Variants in ADAMTSL1 observed in about 807,000 individuals in gnomAD.
ADAMTSL1 encodes ADAMTS-like protein 1.
Under a neutral mutation model 201.8 loss-of-function variants are expected in ADAMTSL1, and 126 were observed. The observed-to-expected ratio is 0.62, with a 90% CI of 0.54 to 0.72. ADAMTSL1 has a LOEUF of 0.72. ADAMTSL1 is among the 30% of genes least tolerant of loss of function. The pLI, the probability that ADAMTSL1 is intolerant of heterozygous loss-of-function variation, is 0.00. For synonymous variants in ADAMTSL1, 1,121 were observed against 903.4 expected (o/e 1.24, Z -4.32); for missense variants, 2,679 against 2,277.8 (o/e 1.18, Z -3.59).
At chr9:18,631,695 A>G (rs1015894431) in intron 5 of ADAMTSL1, among the ~76,000 whole-genome samples, 1 of 152,200 alleles carries the variant, frequency 6.6e-6, no homozygotes, top group Non-Finnish European at 1.5e-5. Context: ...CAAGATTTTA[A>G]AATGAATATA....
At chr9:18,112,046 A>C (rs945153511) in intron 1 of ADAMTSL1, among the ~76,000 whole-genome samples, 2 of 152,144 alleles carry the variant, frequency 1.3e-5, no homozygotes, top group Non-Finnish European at 2.9e-5. Flanking sequence ...AACCTGATGC[A>C]GGTATTTATT....
intron 5 of ADAMTSL1, among the ~76,000 whole-genome samples, chr9:18,632,474 G>T (rs1175423887): frequency 6.6e-6 from 1 of 152,076 alleles, no homozygotes; most frequent in Non-Finnish European, 1.5e-5. Context: ...GAGTGAAATG[G>T]GTTTCTTTGG....
rs60278506 is a variant in ADAMTSL1, at chr9:17,940,802, AC to A, written c.87+33890del. On this transcript the variant is annotated intron_variant, in intron 1 of 29. Transcript: ENST00000680146. ...AAACTTAAAAATAAAAGTAAATAACACCCCCCCCCCAAAAAAAAGAAAGAAA... is the reference window on the plus strand; with the variant it reads ...AAACTTAAAAATAAAAGTAAATAACACCCCCCCCCAAAAAAAAGAAAGAAA... Among the ~76,000 whole-genome samples, 13 of 50,808 alleles carry A rather than the reference AC, an allele frequency of 2.6e-4. 1 individual carries two copies. Among genetic ancestry groups the A allele is most frequent in the African/African-American group, 2.8e-4 (4 of 14,196 alleles). The allele number at this position is 50,808 out of a possible 152,430, so 33.3% of individuals were successfully genotyped here.
At chr9:18,638,036 C>T (rs1175722127) in intron 6 of ADAMTSL1, among the ~76,000 whole-genome samples, 1 of 152,036 alleles carries the variant, frequency 6.6e-6, no homozygotes, top group East Asian at 1.9e-4. Flanking sequence ...TTGCTTTCCC[C>T]TGATGACAAC....
At chr9:18,602,222 G>C (rs1272395898) in intron 4 of ADAMTSL1, among the ~76,000 whole-genome samples, 2 of 152,106 alleles carry the variant, frequency 1.3e-5, no homozygotes, top group African/African-American at 4.8e-5. Context: ...TATTTGTTAG[G>C]CTGGGAGTGC....
chr9:18,864,271 T>C (rs1391570261), intron 23 of ADAMTSL1, among the ~76,000 whole-genome samples: 1 of 152,184 alleles, frequency 6.6e-6, no homozygotes, highest in Non-Finnish European at 1.5e-5. Flanking sequence ...TTCTGAGCTG[T>C]TTGGCTGGAG....
intron 23 of ADAMTSL1, among the ~76,000 whole-genome samples, chr9:18,854,937 T>A (rs1826747508): frequency 6.6e-6 from 1 of 152,186 alleles, no homozygotes; most frequent in Admixed American, 6.5e-5. Context: ...CAGATTGAAT[T>A]ACCCCTCCCC....
At chr9:18,289,574 G>C (rs1261155690) in intron 2 of ADAMTSL1, among the ~76,000 whole-genome samples, 1 of 152,222 alleles carries the variant, frequency 6.6e-6, no homozygotes, top group African/African-American at 2.4e-5. Context: ...TAACAGGGAA[G>C]ACTGCTCAGT....
chr9:18,027,489 T>A (rs1820754055), intron 1 of ADAMTSL1, among the ~76,000 whole-genome samples: 1 of 151,874 alleles, frequency 6.6e-6, no homozygotes, highest in Non-Finnish European at 1.5e-5. Flanking sequence ...TAATTCAGGA[T>A]CAAGTTGTTT....
chr9:18,727,952 C>A (rs1203805549), intron 15 of ADAMTSL1, among the ~76,000 whole-genome samples: 1 of 152,042 alleles, frequency 6.6e-6, no homozygotes, highest in Non-Finnish European at 1.5e-5. Flanking sequence ...TGGTGGCGTG[C>A]CCCTGTAACC....
chr9:18,280,616 C>T (rs990036925), intron 2 of ADAMTSL1, among the ~76,000 whole-genome samples: 7 of 152,014 alleles, frequency 4.6e-5, no homozygotes, highest in South Asian at 2.1e-4. Flanking sequence ...TTTAAGTGCT[C>T]GAGTTTTGTA....
chr9:18,062,642 C>A (rs1822510510), intron 1 of ADAMTSL1, among the ~76,000 whole-genome samples: 1 of 151,976 alleles, frequency 6.6e-6, no homozygotes, highest in African/African-American at 2.4e-5. Flanking sequence ...ACAGTCATAA[C>A]ATAAATATTT....
At chr9:18,685,577 G>A (rs952382046) in intron 13 of ADAMTSL1, among the ~76,000 whole-genome samples, 9 of 152,172 alleles carry the variant, frequency 5.9e-5, no homozygotes, top group Non-Finnish European at 1.0e-4. Context: ...TTCATTTAAT[G>A]TAAGTTCTAA....
At position 18,817,096 on chromosome 9, in the gene ADAMTSL1, T is replaced by A; in HGVS notation, c.3806-13T>A. ...ACCACCAAGTAACATCTCATATTCT[T>A]TCTTATCTTCAGGAAAGCCACTAGT... On this transcript the variant is annotated splice_polypyrimidine_tract_variant and intron_variant, in intron 20 of 28. Transcript: ENST00000380548. 1 of 1,608,678 alleles carries A rather than the reference T, an allele frequency of 6.2e-7. No individual in the cohort carries two copies. The highest frequency in any genetic ancestry group is 1.1e-5 in the South Asian group (1 of 89,670).
chr9:18,262,934 G>C (rs1043847396), intron 2 of ADAMTSL1, among the ~76,000 whole-genome samples: 9 of 152,196 alleles, frequency 5.9e-5, no homozygotes, highest in Non-Finnish European at 1.3e-4. Flanking sequence ...TGAAATATAA[G>C]TAACATAAAC....
At chr9:18,274,250 T>C (rs1306453875) in intron 2 of ADAMTSL1, among the ~76,000 whole-genome samples, 2 of 152,224 alleles carry the variant, frequency 1.3e-5, no homozygotes, top group Non-Finnish European at 1.5e-5. Context: ...TTCGTAAAAA[T>C]GTAGGTAATA....
chr9:18,818,777 G>A lies in ADAMTSL1; in HGVS notation c.3934+1540G>A, dbSNP rs545020438. Among the ~76,000 whole-genome samples the A allele has an allele frequency of 1.6e-4, 24 of 151,844 alleles. 1 individual carries two copies. The highest frequency in any genetic ancestry group is 5.1e-4 in the African/African-American group (21 of 41,384). ...AGCACTCCAGCCTGGGTGACAGAGC[G>A]AGACCCTATCTCAAAAAAAAAAATT... On this transcript the variant is annotated intron_variant, in intron 21 of 28. Coordinates refer to ENST00000380548, the MANE Select transcript of ADAMTSL1 (RefSeq NM_001040272.6).
chr9:18,326,099 A>G (rs1834821872), intron 2 of ADAMTSL1, among the ~76,000 whole-genome samples: 1 of 152,186 alleles, frequency 6.6e-6, no homozygotes, highest in Non-Finnish European at 1.5e-5. Context: ...ATGACCTTGT[A>G]AAGGCCCCAC....
chr9:18,179,669 C>T (rs1185635069), intron 2 of ADAMTSL1, among the ~76,000 whole-genome samples: 5 of 152,234 alleles, frequency 3.3e-5, no homozygotes, highest in East Asian at 1.9e-4. Flanking sequence ...AGACTAACAG[C>T]GGATCTCTCG....
Sources: gnomAD v4.1 joint callset for allele counts (sites outside exome capture counted in the v4.1 genomes callset) on GRCh38, gnomAD v4.1.1 for gene constraint, MANE v1.5 for transcripts, NCBI Gene and HGNC (gene_info 2026-07-23, HGNC 2026-07-21) for gene names.